The following ELAVL3 variants were observed in gnomAD, a reference collection of about 807,000 sequenced individuals.
The protein encoded by ELAVL3 is ELAV-like protein 3.
A neutral mutation model predicts 34.2 loss-of-function variants in ELAVL3; 8 were observed. The ratio of observed to expected loss-of-function variants is 0.23; its 90% CI spans 0.14 to 0.42. The LOEUF is 0.42. Among genes scored for constraint, ELAVL3 ranks in the 10% least tolerant of loss-of-function variants. The pLI, the probability that ELAVL3 is intolerant of heterozygous loss-of-function variation, is 1.00. For missense variants in ELAVL3, 273 were observed against 518.8 expected (o/e 0.53, Z 4.60); for synonymous variants, 209 against 222.1 (o/e 0.94, Z 0.53).
intron 3 of ELAVL3, among the ~76,000 whole-genome samples, chr19:11,461,009 CAAAAAA>C (rs535847241): frequency 1.3e-4 from 12 of 89,848 alleles, no homozygotes; most frequent in African/African-American, 3.6e-4. Context: ...ACAACCTCTA[CAAAAAA>C]AAAAAAAAAA....
chr19:11,466,880 T>C lies in ELAVL3; in HGVS notation c.10-53A>G. The C allele has an allele frequency of 2.0e-6, 3 of 1,482,060 alleles. No homozygotes were observed. The South Asian group carries it at 3.6e-5, about 18-fold the overall frequency. The allele number at this position is 1,482,060 out of a possible 1,614,324, so 91.8% of individuals were successfully genotyped here. Reference sequence around the variant, plus strand: ...CCGCCCAGTCCCCACACCAGGGGCCTGCGGCAATGAGTGGCTTGGTGGTGA... The same window carrying C: ...CCGCCCAGTCCCCACACCAGGGGCCCGCGGCAATGAGTGGCTTGGTGGTGA... On this transcript the variant is annotated intron_variant, in intron 1 of 6. Transcript: ENST00000359227. The surrounding 1 kb of genome is among the most constrained non-coding windows in gnomAD (Gnocchi z 5.0).
chr19:11,461,478 CCCTTCCTT>C (rs894503909), intron 3 of ELAVL3, among the ~76,000 whole-genome samples: 3 of 110,876 alleles, frequency 2.7e-5, no homozygotes, highest in African/African-American at 5.2e-5. Context: ...CTCCCTCCCT[CCCTTCCTT>C]CCTTCCTTCA....
intron 1 of ELAVL3, among the ~76,000 whole-genome samples, chr19:11,476,831 G>A (rs991170835): frequency 2.6e-5 from 4 of 151,866 alleles, no homozygotes; most frequent in African/African-American, 7.3e-5. Context: ...CCTGGGAGGC[G>A]GAGCTTGCAG....
At chr19:11,459,322 G>C (rs1350442386) in intron 3 of ELAVL3, among the ~76,000 whole-genome samples, 1 of 151,794 alleles carries the variant, frequency 6.6e-6, no homozygotes, top group Non-Finnish European at 1.5e-5. Flanking sequence ...TTTTAGTAGA[G>C]ACGGGTTTCA....
chr19:11,463,350 AC>A (rs1970931521), intron 3 of ELAVL3, among the ~76,000 whole-genome samples: 1 of 152,218 alleles, frequency 6.6e-6, no homozygotes, highest in South Asian at 2.1e-4. Flanking sequence ...ACACCCAGGG[AC>A]AGACAGAAGG....
rs940694021 is a variant in ELAVL3 at position 11,452,185 on chromosome 19, C to T, written c.*2341G>A. The T allele has an allele frequency of 1.3e-5, 2 of 152,236 alleles. No homozygotes were observed. Among genetic ancestry groups the T allele is most frequent in the Admixed American group, 1.3e-4 (2 of 15,286 alleles). 9.4% of individuals were successfully genotyped at this position (152,236 alleles called of 1,614,324 possible). ...CTGTCCCGCAGAGCACACGCCCCCGCGTGCCACTCGGCTACCATTACTGTT... is the reference window on the plus strand; with the variant it reads ...CTGTCCCGCAGAGCACACGCCCCCGTGTGCCACTCGGCTACCATTACTGTT... On this transcript the variant is annotated 3_prime_UTR_variant, in exon 7 of 7. Coordinates refer to ENST00000359227, the MANE Select transcript of ELAVL3 (RefSeq NM_001420.4).
Position 11,480,777 on chromosome 19 carries a change from C to T in ELAVL3, c.-169G>A. Reference sequence around the variant, plus strand: ...GCTCCCTCGAGGGCCAGGGACGGGCCCGAACCCGGGGATGCGCGCGCGGAT... The same window carrying T: ...GCTCCCTCGAGGGCCAGGGACGGGCTCGAACCCGGGGATGCGCGCGCGGAT... On this transcript the variant is annotated 5_prime_UTR_variant, in exon 1 of 7. Transcript: ENST00000359227. This position sits in a 1 kb window ranked among gnomAD's most constrained non-coding sequence, Gnocchi z 6.8. The T allele has an allele frequency of 1.8e-6, 1 of 557,816 alleles. No individual in the cohort carries two copies. The highest frequency in any genetic ancestry group is 2.7e-6 in the Non-Finnish European group (1 of 367,482). The allele number at this position is 557,816 out of a possible 1,614,324, so 34.6% of individuals were successfully genotyped here. A position where few individuals can be genotyped will look rare whatever the true frequency, so the allele number is the denominator to read the frequency against.
At chr19:11,457,081 TG>T in intron 6 of ELAVL3, 28 bp downstream of exon 6, 2 of 1,033,038 alleles carry the variant, frequency 1.9e-6, no homozygotes, top group South Asian at 1.6e-5. Context: ...TGGTGAGGGG[TG>T]GGGACAGTGG....
chr19:11,471,602 G>T (rs1314397635), intron 1 of ELAVL3, among the ~76,000 whole-genome samples: 1 of 151,478 alleles, frequency 6.6e-6, no homozygotes, highest in African/African-American at 2.4e-5. Context: ...GACAGAGAGA[G>T]ACTCTGTCTC....
rs759202119 is a variant in ELAVL3 at position 11,458,145 on chromosome 19, G to A, written c.629C>T (p.Thr210Met). 7.4e-6 allele frequency: 12 copies of A among 1,614,016 alleles called. No individual in the cohort carries two copies. Among genetic ancestry groups the A allele is most frequent in the South Asian group, 1.1e-5 (1 of 91,092 alleles). Residue 210 changes from threonine to methionine, a missense_variant, in exon 5 of 7, where the codon ACG (threonine) becomes ATG (methionine). Transcript: ENST00000359227. The surrounding 1 kb of genome is among the most constrained non-coding windows in gnomAD (Gnocchi z 7.3). ...GAGGTGGGTGAGCAGCGCCTGCCCC[G>A]TCTTCTGACTTGGGTTGTTCGCGAA... ...VKFANNPSQK[T>M]GQALLTHLYQ...
Position 11,480,308 on chromosome 19 carries a change from T to C in ELAVL3, c.9+292A>G. On this transcript the variant is annotated intron_variant, in intron 1 of 6. Coordinates refer to ENST00000359227, the MANE Select transcript of ELAVL3 (RefSeq NM_001420.4). This position sits in a 1 kb window ranked among gnomAD's most constrained non-coding sequence, Gnocchi z 6.8. ...AAGCATCCTTAGCCGCCGCGGCCCC[T>C]CCCCCATCAGGCCTGCTGGAGAGGG... The C allele has an allele frequency of 2.7e-6, 1 of 367,300 alleles. No homozygotes were observed. The highest frequency in any genetic ancestry group is 4.7e-5 in the Admixed American group (1 of 21,472). The allele number at this position is 367,300 out of a possible 1,614,324, so 22.8% of individuals were successfully genotyped here.
At position 11,466,608 on chromosome 19, in the gene ELAVL3, C is replaced by T. The variant is rs1358223556; in HGVS notation, c.229G>A (p.Gly77Arg). 6.2e-7 allele frequency: 1 copy of T among 1,613,896 alleles called. No individual in the cohort carries two copies. The highest frequency in any genetic ancestry group is 8.5e-7 in the Non-Finnish European group (1 of 1,180,026). The change falls in exon 2 of 7, where the codon GGG (glycine) becomes AGG (arginine). Residue 77 changes from glycine (G) to arginine (R), a missense_variant and splice_region_variant. Coordinates refer to ENST00000359227, the MANE Select transcript of ELAVL3 (RefSeq NM_001420.4). This position sits in a 1 kb window ranked among gnomAD's most constrained non-coding sequence, Gnocchi z 5.0. Reference sequence around the variant, plus strand: ...CTCCCCGCAACTCCAGCAGCCACACCTGTGATCTTGTCCCGAACCAACTTG... The same window carrying T: ...CTCCCCGCAACTCCAGCAGCCACACTTGTGATCTTGTCCCGAACCAACTTG... ...SCKLVRDKIT[G>R]QSLGYGFVNY...
rs1970717540 is a variant in ELAVL3, at chr19:11,454,196, G to C, written c.*330C>G. ...TCCCATCGGGGGTGGTCGAGGGTGG[G>C]GGTGGGGGCACATCTCTGCATTCTT... is the stretch of plus-strand genomic sequence containing the variant. On this transcript the variant is annotated 3_prime_UTR_variant, in exon 7 of 7. Coordinates refer to ENST00000359227, the MANE Select transcript of ELAVL3 (RefSeq NM_001420.4). The surrounding 1 kb of genome is among the most constrained non-coding windows in gnomAD (Gnocchi z 9.2). The C allele has an allele frequency of 4.1e-6, 1 of 242,828 alleles. No homozygotes were observed. Among genetic ancestry groups the C allele is most frequent in the African/African-American group, 2.2e-5 (1 of 44,752 alleles). The allele number at this position is 242,828 out of a possible 1,614,324, so 15.0% of individuals were successfully genotyped here.
chr19:11,457,280 G>T (rs940777485), intron 5 of ELAVL3, 132 bp from the exon 6 acceptor site: 1 of 887,598 alleles, frequency 1.1e-6, no homozygotes, highest in South Asian at 1.9e-5. Context: ...CCTGCTCCCC[G>T]CCCGCCCGGC....
At chr19:11,465,888 C>T (rs1971042964) in intron 3 of ELAVL3, among the ~76,000 whole-genome samples, 1 of 152,144 alleles carries the variant, frequency 6.6e-6, no homozygotes, top group South Asian at 2.1e-4. Context: ...CTCACAGGAC[C>T]CTGGTCACTC....
At position 11,454,471 on chromosome 19, in the gene ELAVL3, C is replaced by CTCTCTCTCTCTCTCTT; in HGVS notation, c.*54_*55insAAGAGAGAGAGAGAGA. The CTCTCTCTCTCTCTCTT allele has an allele frequency of 1.6e-5, 6 of 375,792 alleles. No homozygotes were observed. In the South Asian group the frequency reaches 6.1e-4, roughly 38 times the overall value. The allele number at this position is 375,792 out of a possible 1,614,324, so 23.3% of individuals were successfully genotyped here. ...CCCTTCTCTCTCTCTCTCTCTCTTT[C>CTCTCTCTCTCTCTCTT]TCTCTCTCTCTCTCTGCTGCCCGGG... is the stretch of plus-strand genomic sequence containing the variant. On this transcript the variant is annotated 3_prime_UTR_variant, in exon 7 of 7. Transcript: ENST00000359227. The surrounding 1 kb of genome is among the most constrained non-coding windows in gnomAD (Gnocchi z 9.2).
rs1050033568 is a variant in ELAVL3, at chr19:11,454,314, G to A, written c.*212C>T. ...GCCTGGGGTGGGGGCAGGAGGATGG[G>A]GCGGGGGATCCCCGGGCACCCCCCC... is the stretch of plus-strand genomic sequence containing the variant. On this transcript the variant is annotated 3_prime_UTR_variant, in exon 7 of 7. Coordinates refer to ENST00000359227, the MANE Select transcript of ELAVL3 (RefSeq NM_001420.4). This position sits in a 1 kb window ranked among gnomAD's most constrained non-coding sequence, Gnocchi z 9.2. 3.5e-6 allele frequency: 2 copies of A among 570,286 alleles called. No homozygotes were observed. Among genetic ancestry groups the A allele is most frequent in the Non-Finnish European group, 6.2e-6 (2 of 322,092 alleles). The allele number at this position is 570,286 out of a possible 1,614,324, so 35.3% of individuals were successfully genotyped here.
In ELAVL3 at chr19:11,480,933, C is replaced by A; in HGVS notation, c.-325G>T. On this transcript the variant is annotated 5_prime_UTR_variant, in exon 1 of 7. Transcript: ENST00000359227. The surrounding 1 kb of genome is among the most constrained non-coding windows in gnomAD (Gnocchi z 6.8). ...GCTTCCCGACAGAGATCGCGGCGCT[C>A]TGCCTTTCGCCGCCGCCCCTCGGTC... 3.4e-6 allele frequency: 1 copy of A among 295,342 alleles called. No individual in the cohort carries two copies. Among genetic ancestry groups the A allele is most frequent in the Non-Finnish European group, 6.3e-6 (1 of 159,384 alleles). The allele number at this position is 295,342 out of a possible 1,614,324, so 18.3% of individuals were successfully genotyped here.
At position 11,478,134 on chromosome 19, in the gene ELAVL3, G is replaced by C. The variant is rs939331975; in HGVS notation, c.9+2466C>G. Among the ~76,000 whole-genome samples the C allele has an allele frequency of 5.3e-5, 8 of 152,290 alleles. No homozygotes were observed. The East Asian group carries it at 1.5e-3, about 29-fold the overall frequency. On this transcript the variant is annotated intron_variant, in intron 1 of 6. Transcript: ENST00000359227. The stretch of plus-strand genomic sequence containing the variant: ...ACCTATGACTTGTCCAGGGTGACAG[G>C]AGGAGGTGGAGGGGATGGTGTCAAC...
Sources: gnomAD v4.1 joint callset for allele counts (sites outside exome capture counted in the v4.1 genomes callset) on GRCh38, gnomAD v4.1.1 for gene constraint, Gnocchi (gnomAD v3.1) non-coding constraint, MANE v1.5 for transcripts, NCBI Gene and HGNC (gene_info 2026-07-23, HGNC 2026-07-21) for gene names.